The following CA13 variants were observed in gnomAD, a reference collection of about 807,000 sequenced individuals.
CA13 encodes the protein carbonic anhydrase 13.
CA13 carries 21 observed loss-of-function variants against 31.5 expected under a neutral mutation model. The ratio of observed to expected loss-of-function variants is 0.67; its 90% confidence interval spans 0.47 to 0.96. CA13 has a LOEUF of 0.96. Among genes scored for constraint, CA13 ranks in the 40% least tolerant of loss-of-function variants. The probability of loss-of-function intolerance (pLI) is 0.00; values close to 1 mark genes in which losing one functional copy is unlikely to be tolerated. For missense variants in CA13, 315 were observed against 318.9 expected, an observed-to-expected ratio of 0.99 and a Z score of 0.09; for synonymous variants, 117 against 111.4, an observed-to-expected ratio of 1.05 and a Z score of -0.32.
At chr8:85,272,310 G>T (rs113014331) in intron 6 of CA13, among the ~76,000 whole-genome samples, 7,362 of 151,704 alleles carry the variant, frequency 0.049, 221 homozygotes, top group Non-Finnish European at 0.063. Context: ...GGCTGGAGTG[G>T]AGTGGCGAGA....
In CA13 at chr8:85,283,781, T is replaced by C. The variant is rs1303736457; in HGVS notation, c.*2432T>C. ...CTACTTTGTAACTTATGGTTTCTGC[T>C]TCAGTATTGTGTTGGTTCTGTATTA... On this transcript the variant is annotated 3_prime_UTR_variant, in exon 7 of 7. Coordinates refer to ENST00000321764, the MANE Select transcript of CA13 (RefSeq NM_198584.3). 1 of 152,648 alleles carries C rather than the reference T, an allele frequency of 6.6e-6. No homozygotes were observed. The highest frequency in any genetic ancestry group is 1.5e-5 in the Non-Finnish European group (1 of 68,044). The allele number at this position is 152,648 out of a possible 1,614,324, so 9.5% of individuals were successfully genotyped here.
At chr8:85,258,239 A>T (rs912217572) in intron 2 of CA13, among the ~76,000 whole-genome samples, 2 of 151,904 alleles carry the variant, frequency 1.3e-5, no homozygotes, top group African/African-American at 4.8e-5. Flanking sequence ...TATGCTTTAA[A>T]CATGCCCAAT....
rs1320980867 is a variant in CA13 at position 85,281,758 on chromosome 8, G to GCCT, written c.*413_*415dup. ...GTCTCAAGCTCCTGCCCTAAAGTAG[G>GCCT]CCTCCTGCCTTTGCCTCTCAAAGTG... On this transcript the variant is annotated 3_prime_UTR_variant, in exon 7 of 7. Coordinates refer to ENST00000321764, the MANE Select transcript of CA13 (RefSeq NM_198584.3). 6.5e-6 allele frequency: 1 copy of GCCT among 154,406 alleles called. No individual in the cohort carries two copies. Among genetic ancestry groups the GCCT allele is most frequent in the Non-Finnish European group, 1.4e-5 (1 of 69,650 alleles). 9.6% of individuals were successfully genotyped at this position (154,406 alleles called of 1,614,324 possible).
At chr8:85,246,156 C>G in intron 1 of CA13, 1 of 546,678 alleles carries the variant, frequency 1.8e-6, no homozygotes, top group Non-Finnish European at 3.3e-6. Flanking sequence ...TCTGAAAAGC[C>G]AAGGACTTTG....
intron 2 of CA13, among the ~76,000 whole-genome samples, chr8:85,252,937 T>C (rs1239781653): frequency 6.8e-6 from 1 of 146,404 alleles, no homozygotes; most frequent in Non-Finnish European, 1.5e-5. Context: ...AAGTAGTAAG[T>C]TTTTTTTTCT....
intron 1 of CA13, chr8:85,246,537 A>C: frequency 2.2e-6 from 1 of 455,966 alleles, no homozygotes; most frequent in Non-Finnish European, 4.4e-6. Flanking sequence ...TCATCCTTGC[A>C]GGGTGAGCAA....
intron 4 of CA13, among the ~76,000 whole-genome samples, 160 bp from the exon 5 acceptor site, chr8:85,267,742 G>T (rs894982147): frequency 1.3e-5 from 2 of 152,172 alleles, no homozygotes; most frequent in Non-Finnish European, 2.9e-5. Context: ...GCATGATAAG[G>T]CTGGCAGGTA....
At chr8:85,248,408 G>T (rs1181244150) in intron 1 of CA13, among the ~76,000 whole-genome samples, 4 of 149,412 alleles carry the variant, frequency 2.7e-5, no homozygotes, top group Non-Finnish European at 4.4e-5. Flanking sequence ...AGTGAGCGGA[G>T]ATCACGCCAT....
At chr8:85,268,333 GGAAGATATTAC>G in intron 5 of CA13, 128 bp from the exon 6 acceptor site, 1 of 742,582 alleles carries the variant, frequency 1.3e-6, no homozygotes. Context: ...AGATACTAAA[GGAAGATATTAC>G]ATAATTCTAG....
At chr8:85,267,234 A>C (rs1221041212) in intron 4 of CA13, 2 of 988,166 alleles carry the variant, frequency 2.0e-6, no homozygotes, top group Admixed American at 5.9e-5. Flanking sequence ...CCTTTGTCAC[A>C]CCCCATACTC....
chr8:85,252,452 A>G (rs1286364560), intron 2 of CA13, among the ~76,000 whole-genome samples: 1 of 152,134 alleles, frequency 6.6e-6, no homozygotes, highest in Non-Finnish European at 1.5e-5. Flanking sequence ...AGAACACGTA[A>G]TCATTTCGTT....
intron 2 of CA13, among the ~76,000 whole-genome samples, chr8:85,256,328 T>C (rs1365070784): frequency 6.6e-6 from 1 of 152,242 alleles, no homozygotes; most frequent in Non-Finnish European, 1.5e-5. Context: ...GTGTGTGTTC[T>C]TTTTGTGGAT....
intron 6 of CA13, among the ~76,000 whole-genome samples, chr8:85,273,995 C>T (rs7839129): frequency 0.61 from 92,444 of 151,304 alleles, 28,761 homozygotes; most frequent in Non-Finnish European, 0.65. Context: ...GGACGGCCTC[C>T]GTCTCGGTCT....
rs755231183 is a variant in CA13, at chr8:85,267,926, C to T, written c.475C>T (p.Gln159Ter). 3 of 1,595,848 alleles carry T rather than the reference C, an allele frequency of 1.9e-6. No individual in the cohort carries two copies. The South Asian group carries it at 3.4e-5, about 18-fold the overall frequency. The change falls in exon 5 of 7, where the codon CAA becomes TAA. Residue 159 changes from glutamine (Q) to a stop codon, truncating the protein, a stop_gained. Coordinates refer to ENST00000321764, the MANE Select transcript of CA13 (RefSeq NM_198584.3). LOFTEE classifies it high-confidence loss of function. ...GATTGGTGAACCTAATTCCCAACTG[C>T]AAAAGATTACTGACACTTTGGATTC... ...LQIGEPNSQL[Q>*]KITDTLDSIK...
intron 2 of CA13, among the ~76,000 whole-genome samples, chr8:85,252,218 C>T (rs1807203052): frequency 1.3e-5 from 2 of 152,060 alleles, no homozygotes; most frequent in Non-Finnish European, 2.9e-5. Context: ...GATAGTGCCA[C>T]TGTACTCAGC....
At chr8:85,280,338 G>A (rs1001697878) in intron 6 of CA13, among the ~76,000 whole-genome samples, 1 of 152,248 alleles carries the variant, frequency 6.6e-6, no homozygotes, top group Non-Finnish European at 1.5e-5. Flanking sequence ...TTGCTTGTAT[G>A]TATGATGGTT....
chr8:85,277,866 C>T (rs6993321), intron 6 of CA13, among the ~76,000 whole-genome samples: 11,019 of 152,202 alleles, frequency 0.072, 520 homozygotes, highest in African/African-American at 0.13. Flanking sequence ...GTATGTGTCT[C>T]CCAGCCAGCT....
chr8:85,268,528 G>C lies in CA13; in HGVS notation c.570G>C (p.Trp190Cys). The C allele has an allele frequency of 6.2e-7, 1 of 1,613,890 alleles. No individual in the cohort carries two copies. The highest frequency in any genetic ancestry group is 1.3e-5 in the African/African-American group (1 of 74,976). Residue 190 changes from tryptophan to cysteine, a missense_variant, in exon 6 of 7, where the codon TGG (tryptophan) becomes TGC (cysteine). Coordinates refer to ENST00000321764, the MANE Select transcript of CA13 (RefSeq NM_198584.3). ...FDLLSLLPPS[W>C]DYWTYPGSLT... ...TATTGTCTCTGCTTCCACCATCCTG[G>C]GACTACTGGACATATCCTGGTTCTC...
At chr8:85,248,578 T>TG (rs897752694) in intron 1 of CA13, among the ~76,000 whole-genome samples, 7 of 151,006 alleles carry the variant, frequency 4.6e-5, no homozygotes, top group Admixed American at 1.3e-4. Flanking sequence ...TGCAGGGTCA[T>TG]GGGGGGGACA....
Sources: gnomAD v4.1 joint callset for allele counts (sites outside exome capture counted in the v4.1 genomes callset) on GRCh38, gnomAD v4.1.1 for gene constraint, MANE v1.5 for transcripts, NCBI Gene and HGNC (gene_info 2026-07-23, HGNC 2026-07-21) for gene names.